STAB1: variants seen among roughly 807,000 people sequenced by gnomAD.
STAB1 encodes stabilin-1.
In STAB1, 250 loss-of-function variants were observed where a neutral mutation model predicts 332.4. The ratio of observed to expected loss-of-function variants is 0.75; its 90% CI spans 0.68 to 0.84. The LOEUF (loss-of-function observed/expected upper bound fraction) is 0.84. STAB1 is among the 40% of genes least tolerant of loss of function. STAB1 has a pLI of 0.00. For synonymous variants in STAB1, 1,475 were observed against 1,390.4 expected (o/e 1.06, Z -1.35); for missense variants, 3,249 against 3,489.7 (o/e 0.93, Z 1.74).
In STAB1 at chr3:52,510,609, G is replaced by T. The variant is rs1709228760; in HGVS notation, c.2787+102G>T. 4 of 1,441,716 alleles carry T rather than the reference G, an allele frequency of 2.8e-6. No individual in the cohort carries two copies. In the Middle Eastern group the frequency reaches 7.1e-4, roughly 257 times the overall value. 89.3% of individuals were successfully genotyped at this position (1,441,716 alleles called of 1,614,324 possible). On this transcript the variant is annotated intron_variant, in intron 25 of 68. Coordinates refer to ENST00000321725, the MANE Select transcript of STAB1 (RefSeq NM_015136.3). ...CAGAGTCAGGTGCTCAGGGTCTGGA[G>T]CCTCAGGTGCAGATGAGAACCCAGT...
chr3:52,512,297 G>A (rs1429431517), intron 26 of STAB1, 44 bp from the exon 27 acceptor site: 2 of 1,582,000 alleles, frequency 1.3e-6, no homozygotes, highest in East Asian at 2.2e-5. Context: ...GGGCCCAGCT[G>A]CCATCTGGTT....
intron 45 of STAB1, 80 bp downstream of exon 45, chr3:52,518,083 G>A (rs2078935273): frequency 3.9e-6 from 6 of 1,535,518 alleles, no homozygotes; most frequent in Admixed American, 2.1e-5. Flanking sequence ...GCAAAGATCC[G>A]ATTTGATCCT....
rs769389908 is a variant in STAB1 at position 52,504,730 on chromosome 3, C to T, written c.1240-9C>T. 9.9e-6 allele frequency: 16 copies of T among 1,613,652 alleles called. No homozygotes were observed. The highest frequency in any genetic ancestry group is 6.7e-5 in the Admixed American group (4 of 60,026). ...CCGGCTCACTTTGCTCCCCGCCTTGCGTCTGCAGGCATCCCTTGCCCAGCA... is the reference window on the plus strand; with the variant it reads ...CCGGCTCACTTTGCTCCCCGCCTTGTGTCTGCAGGCATCCCTTGCCCAGCA... On this transcript the variant is annotated splice_polypyrimidine_tract_variant and intron_variant, in intron 11 of 68. Coordinates refer to ENST00000321725, the MANE Select transcript of STAB1 (RefSeq NM_015136.3).
At position 52,523,749 on chromosome 3, in the gene STAB1, C is replaced by T; in HGVS notation, c.7388C>T (p.Pro2463Leu). The T allele has an allele frequency of 6.3e-7, 1 of 1,598,456 alleles. No individual in the cohort carries two copies. Among genetic ancestry groups the T allele is most frequent in the Non-Finnish European group, 8.6e-7 (1 of 1,168,166 alleles). Residue 2463 changes from proline (P) to leucine (L), a missense_variant, in exon 66 of 69, where the codon CCA becomes CTA. Pro to Leu is a moderately conservative substitution (Grantham distance 98, BLOSUM62 -3). Coordinates refer to ENST00000321725, the MANE Select transcript of STAB1 (RefSeq NM_015136.3). ...CTGGCCAGCCCCCTCCTGGCACCCC[C>T]ACAGCCCGTGAGTTGAGGAAGGGGG... ...HALASPLLAP[P>L]QPQAVLAPEA...
intron 7 of STAB1, 53 bp downstream of exon 7, chr3:52,503,162 G>A: frequency 6.6e-7 from 1 of 1,525,852 alleles, no homozygotes; most frequent in Non-Finnish European, 8.9e-7. Flanking sequence ...GCGGGGGCTG[G>A]GAGAGCATCC....
At chr3:52,495,545 G>T in intron 1 of STAB1, 54 bp downstream of exon 1, 2 of 1,264,648 alleles carry the variant, frequency 1.6e-6, no homozygotes, top group Non-Finnish European at 2.0e-6. Context: ...GCCGGCCAGC[G>T]GTGGGAACAG....
chr3:52,505,577 T>C, intron 14 of STAB1, 91 bp from the exon 15 acceptor site: 1 of 1,365,662 alleles, frequency 7.3e-7, no homozygotes, highest in African/African-American at 1.4e-5. Context: ...CAGTGGGAGT[T>C]TCCTGCAGGC....
Position 52,510,411 on chromosome 3 carries a change from G to A in STAB1, c.2691G>A (p.Gly897=). 1 of 1,614,036 alleles carries A rather than the reference G, an allele frequency of 6.2e-7. No individual in the cohort carries two copies. The highest frequency in any genetic ancestry group is 2.2e-5 in the East Asian group (1 of 44,890). Residue 897 remains glycine (G), a synonymous_variant, in exon 25 of 69, where the codon GGG becomes GGA. Transcript: ENST00000321725. ...GCACATGCCACAAAGGCTGGAGTGG[G>A]GATGGCCGCGTCTGTGTGGCTATTG... ...HHCTCHKGWS[G]DGRVCVAIDE...
chr3:52,512,794 G>C, intron 28 of STAB1, 34 bp from the exon 29 acceptor site: 1 of 1,604,210 alleles, frequency 6.2e-7, no homozygotes, highest in South Asian at 1.1e-5. Flanking sequence ...TGCCTTCCTC[G>C]CTCCTCCCGC....
chr3:52,517,142 G>A (rs768695466), intron 42 of STAB1, 33 bp downstream of exon 42: 1 of 1,518,198 alleles, frequency 6.6e-7, no homozygotes. Context: ...GGTTTATGTT[G>A]GGCTAGGGGT....
At chr3:52,504,705 C>T in intron 11 of STAB1, 34 bp from the exon 12 acceptor site, 1 of 1,613,458 alleles carries the variant, frequency 6.2e-7, no homozygotes. Context: ...GACTGGCCCC[C>T]CGGCTCACTT....
chr3:52,521,421 G>A lies in STAB1; in HGVS notation c.5969G>A (p.Ser1990Asn). Residue 1990 changes from serine (S) to asparagine (N), a missense_variant, in exon 56 of 69, where the codon AGT (serine) becomes AAT (asparagine). By Grantham distance (46) the Ser-to-Asn change is conservative. Transcript: ENST00000321725. Reference sequence around the variant, plus strand: ...CGTGGCGTGTGCATGGACGGCATGAGTGGCAGTGGGCAGTGTCTGTGCCGT... The same window carrying A: ...CGTGGCGTGTGCATGGACGGCATGAATGGCAGTGGGCAGTGTCTGTGCCGT... ...SDRGVCMDGM[S>N]GSGQCLCRSG... is the part of the protein sequence containing the mutation. The A allele has an allele frequency of 6.2e-7, 1 of 1,614,086 alleles. No homozygotes were observed. Among genetic ancestry groups the A allele is most frequent in the Non-Finnish European group, 8.5e-7 (1 of 1,180,030 alleles).
In STAB1 at chr3:52,516,743, C is replaced by T; in HGVS notation, c.4338C>T (p.Tyr1446=). ...CCACCTGCGCCTGTGCTGCGGGATA[C>T]TCCGGCAATGGCATCTTCTGTTCAG... The part of the protein sequence containing the change: ...GASTCACAAG[Y]SGNGIFCSEV... Residue 1446 remains tyrosine (Y), a synonymous_variant, in exon 41 of 69, where the codon TAC becomes TAT. Coordinates refer to ENST00000321725, the MANE Select transcript of STAB1 (RefSeq NM_015136.3). The T allele has an allele frequency of 1.2e-6, 2 of 1,611,188 alleles. No homozygotes were observed. Among genetic ancestry groups the T allele is most frequent in the South Asian group, 1.1e-5 (1 of 90,890 alleles).
At chr3:52,506,920 C>G (rs1708920729) in intron 18 of STAB1, 70 bp downstream of exon 18, 8 of 1,575,028 alleles carry the variant, frequency 5.1e-6, no homozygotes, top group South Asian at 1.2e-5. Context: ...CAATCCTCTT[C>G]CCAGGGAGAG....
Position 52,505,353 on chromosome 3 carries a change from C to G in STAB1, c.1553C>G (p.Ala518Gly), listed in dbSNP as rs143005034. ...TIGQILASTE[A>G]FSRFETILEN... ...GGACAGATCCTCGCCTCTACCGAGG[C>G]CTTCAGCCGCTTTGAAACCATCCTG... The change falls in exon 14 of 69, where the codon GCC becomes GGC. Residue 518 changes from alanine to glycine, a missense_variant. By Grantham distance (60) the Ala-to-Gly change is moderately conservative. Coordinates refer to ENST00000321725, the MANE Select transcript of STAB1 (RefSeq NM_015136.3). The G allele has an allele frequency of 1.2e-5, 20 of 1,613,528 alleles. No individual in the cohort carries two copies. The highest frequency in any genetic ancestry group is 1.7e-5 in the Admixed American group (1 of 60,002).
chr3:52,521,739 T>C (rs1384526824), intron 57 of STAB1, 39 bp downstream of exon 57: 2 of 1,611,328 alleles, frequency 1.2e-6, no homozygotes, highest in African/African-American at 1.3e-5. Flanking sequence ...TACACACTTG[T>C]GTACATGTGC....
intron 2 of STAB1, 102 bp downstream of exon 2, chr3:52,501,404 T>G: frequency 6.6e-7 from 1 of 1,526,184 alleles, no homozygotes; most frequent in Admixed American, 1.7e-5. Flanking sequence ...AAGCACTCAC[T>G]TATCCATGCC....
At chr3:52,499,724 C>G (rs1377231526) in intron 1 of STAB1, among the ~76,000 whole-genome samples, 3 of 150,602 alleles carry the variant, frequency 2.0e-5, no homozygotes, top group Admixed American at 1.3e-4. Flanking sequence ...ACGGTGAAAC[C>G]CCGTCTCTAC....
intron 50 of STAB1, 80 bp from the exon 51 acceptor site, chr3:52,519,864 C>T: frequency 6.8e-7 from 1 of 1,472,854 alleles, no homozygotes; most frequent in Non-Finnish European, 9.0e-7. Flanking sequence ...CCCCTTCCTG[C>T]TCTGTGGCAC....
Sources: allele counts gnomAD v4.1 joint callset (sites outside exome capture counted in the v4.1 genomes callset), GRCh38; gene constraint gnomAD v4.1.1; transcripts MANE v1.5; gene names NCBI Gene and HGNC (gene_info 2026-07-23, HGNC 2026-07-21).